The following SOS1 variants were observed in gnomAD, a reference collection of about 807,000 sequenced individuals.
The protein encoded by SOS1 is SOS Ras/Rac guanine nucleotide exchange factor 1, also known as son of sevenless homolog 1.
In SOS1, 25 loss-of-function variants were observed where a neutral mutation model predicts 157.6. The ratio of observed to expected loss-of-function variants is 0.16; its 90% CI spans 0.12 to 0.22. The LOEUF is 0.22. Ranked by LOEUF, SOS1 falls within the 10% of genes least tolerant of loss-of-function variation. The pLI is 1.00. For missense variants in SOS1, 1,237 were observed against 1,599.1 expected, an observed-to-expected ratio of 0.77 and a Z score of 3.86; for synonymous variants, 528 against 534.0, an observed-to-expected ratio of 0.99 and a Z score of 0.16.
intron 19 of SOS1, 82 bp downstream of exon 19, chr2:38,996,840 T>G: frequency 1.2e-6 from 1 of 804,484 alleles, no homozygotes; most frequent in Non-Finnish European, 2.3e-6. Context: ...ACATGTATAC[T>G]TCATCCCTGA....
chr2:39,048,148 G>T (rs944864422), intron 6 of SOS1, among the ~76,000 whole-genome samples: 2 of 151,970 alleles, frequency 1.3e-5, no homozygotes, highest in Non-Finnish European at 2.9e-5. Flanking sequence ...GTGCTTTTGT[G>T]TCCTGTTTAA....
Position 39,010,589 on chromosome 2 carries a change from A to C in SOS1, c.2505T>G (p.Phe835Leu). The C allele has an allele frequency of 6.2e-7, 1 of 1,609,592 alleles. No homozygotes were observed. Residue 835 changes from phenylalanine to leucine, a missense_variant, in exon 15 of 23, where the codon TTT becomes TTG. Coordinates refer to ENST00000402219, the MANE Select transcript of SOS1 (RefSeq NM_005633.4). ...AGAATGCTAGGAATACTTACTTCTC[A>C]AACCACAGAGTGAGGTTGGTGGTAT... ...IRHTTNLTLW[F>L]EKCIVETENL...
At position 38,983,943 on chromosome 2, in the gene SOS1, T is replaced by G. The variant is rs1041867071; in HGVS notation, c.*1881A>C. ...ACCATCATAGGAATGGTACAGATATTGAGAAAGGATTCAATTCTAACAAAT... is the reference window on the plus strand; with the variant it reads ...ACCATCATAGGAATGGTACAGATATGGAGAAAGGATTCAATTCTAACAAAT... On this transcript the variant is annotated 3_prime_UTR_variant, in exon 23 of 23. Coordinates refer to ENST00000402219, the MANE Select transcript of SOS1 (RefSeq NM_005633.4). The G allele has an allele frequency of 1.3e-5, 2 of 152,134 alleles. No homozygotes were observed. Among genetic ancestry groups the G allele is most frequent in the Non-Finnish European group, 2.9e-5 (2 of 68,006 alleles). The allele number at this position is 152,134 out of a possible 1,614,324, so 9.4% of individuals were successfully genotyped here.
chr2:39,084,607 G>A lies in SOS1; in HGVS notation c.88-16854C>T, dbSNP rs185200551. Among the ~76,000 whole-genome samples, 6 of 152,156 alleles carry A rather than the reference G, an allele frequency of 3.9e-5. No individual in the cohort carries two copies. In the East Asian group the frequency reaches 1.2e-3, roughly 29 times the overall value. ...ACATTTATAACATTTATGTCTATGT[G>A]TATATAAAATAAAATATAAATTTAA... On this transcript the variant is annotated intron_variant, in intron 1 of 22. Coordinates refer to ENST00000402219, the MANE Select transcript of SOS1 (RefSeq NM_005633.4).
At chr2:39,119,343 G>A (rs1283871691) in intron 1 of SOS1, among the ~76,000 whole-genome samples, 2 of 152,186 alleles carry the variant, frequency 1.3e-5, no homozygotes, top group African/African-American at 4.8e-5. Context: ...AGAGGGACCG[G>A]AGGAGAACAG....
chr2:39,050,212 G>C (rs927270663), intron 6 of SOS1, among the ~76,000 whole-genome samples: 1 of 152,116 alleles, frequency 6.6e-6, no homozygotes, highest in African/African-American at 2.4e-5. Context: ...TTTAGAGTGA[G>C]AACACAGCAA....
chr2:39,061,387 T>A (rs138499794), intron 2 of SOS1, among the ~76,000 whole-genome samples: 1 of 152,078 alleles, frequency 6.6e-6, no homozygotes, highest in African/African-American at 2.4e-5. Context: ...ATTTCTTTAC[T>A]TTTTATTTAT....
chr2:39,018,894 G>A (rs752210876), intron 10 of SOS1, among the ~76,000 whole-genome samples: 3 of 151,688 alleles, frequency 2.0e-5, no homozygotes, highest in Non-Finnish European at 4.4e-5. Context: ...GGAAACAGAC[G>A]CTATGCTGAC....
chr2:39,055,839 C>G (rs892009405), intron 4 of SOS1, among the ~76,000 whole-genome samples: 1 of 152,148 alleles, frequency 6.6e-6, no homozygotes, highest in Admixed American at 6.5e-5. Flanking sequence ...TGAAACTTCT[C>G]AGAAAATTCT....
intron 1 of SOS1, among the ~76,000 whole-genome samples, chr2:39,076,875 A>C (rs1672023028): frequency 6.6e-6 from 1 of 152,196 alleles, no homozygotes; most frequent in African/African-American, 2.4e-5. Context: ...ACCCAAAAGA[A>C]TCTATAGAAA....
chr2:39,111,693 A>C (rs1396614659), intron 1 of SOS1, among the ~76,000 whole-genome samples: 1 of 150,234 alleles, frequency 6.7e-6, no homozygotes, highest in Non-Finnish European at 1.5e-5. Flanking sequence ...TAGAGCTCCT[A>C]ATTGTCTTAC....
chr2:38,997,123 A>C (rs1303002518), intron 18 of SOS1, 85 bp from the exon 19 acceptor site: 2 of 1,035,330 alleles, frequency 1.9e-6, no homozygotes, highest in Non-Finnish European at 2.9e-6. Flanking sequence ...AAAACATTTA[A>C]TACAAGTAAA....
intron 1 of SOS1, among the ~76,000 whole-genome samples, chr2:39,074,729 T>C (rs978718731): frequency 6.6e-6 from 1 of 151,468 alleles, no homozygotes; most frequent in Non-Finnish European, 1.5e-5. Context: ...TAGCCGGGTA[T>C]GGTGGCACGT....
At chr2:39,076,044 T>C (rs1452446565) in intron 1 of SOS1, among the ~76,000 whole-genome samples, 1 of 152,170 alleles carries the variant, frequency 6.6e-6, no homozygotes, top group Non-Finnish European at 1.5e-5. Flanking sequence ...ACAACTGACA[T>C]TAAACCAAAC....
At chr2:39,104,344 A>G (rs1673084669) in intron 1 of SOS1, among the ~76,000 whole-genome samples, 1 of 152,218 alleles carries the variant, frequency 6.6e-6, no homozygotes, top group Admixed American at 6.5e-5. Flanking sequence ...CATTTCTATA[A>G]AGACATACAA....
intron 1 of SOS1, among the ~76,000 whole-genome samples, chr2:39,114,581 C>T (rs549218669): frequency 2.0e-5 from 3 of 152,172 alleles, no homozygotes; most frequent in South Asian, 2.1e-4. Context: ...GGATTACAGG[C>T]GTGAGCCACC....
chr2:39,117,810 G>T (rs1221103174), intron 1 of SOS1, among the ~76,000 whole-genome samples: 4 of 152,158 alleles, frequency 2.6e-5, no homozygotes, highest in Non-Finnish European at 5.9e-5. Flanking sequence ...GAACATACAG[G>T]CTCTACCTGA....
chr2:39,084,939 TG>T (rs1257846258), intron 1 of SOS1, among the ~76,000 whole-genome samples: 1 of 152,212 alleles, frequency 6.6e-6, no homozygotes, highest in Non-Finnish European at 1.5e-5. Context: ...CTTCCAAAAG[TG>T]GCATGTATCC....
intron 5 of SOS1, among the ~76,000 whole-genome samples, chr2:39,054,407 C>T (rs1472736099): frequency 1.3e-5 from 2 of 152,182 alleles, no homozygotes; most frequent in Admixed American, 6.5e-5. Context: ...TTTTCACTTA[C>T]ATAATCAGTC....
Sources: gnomAD v4.1 joint callset for allele counts (sites outside exome capture counted in the v4.1 genomes callset) on GRCh38, gnomAD v4.1.1 for gene constraint, MANE v1.5 for transcripts, NCBI Gene and HGNC (gene_info 2026-07-23, HGNC 2026-07-21) for gene names.